Variants in ZNF276 observed in about 807,000 individuals in gnomAD.
ZNF276 encodes the protein centromere protein Z.
A neutral mutation model predicts 63.9 loss-of-function variants in ZNF276; 59 were observed. That is an observed-to-expected ratio of 0.92 (90% CI 0.75 to 1.15). ZNF276 has a LOEUF of 1.15. Among genes scored for constraint, ZNF276 ranks in the 50% most tolerant of loss-of-function variants. The pLI is 0.00. For missense variants in ZNF276, 1,084 were observed against 843.8 expected (o/e 1.28, Z -3.53); for synonymous variants, 496 against 348.4 (o/e 1.42, Z -4.72).
rs1403590257 is a variant in ZNF276 at position 89,723,364 on chromosome 16, T to C, written c.661T>C (p.Ser221Pro). ...CCTGCCCCACCTTCAGAGGACACTG[T>C]CCTCCGAGTACTGCGGCGTCATCCA... ...GALPHLQRTL[S>P]SEYCGVIQVV... Residue 221 changes from serine (S) to proline (P), a missense_variant, in exon 4 of 11, where the codon TCC (serine) becomes CCC (proline). Ser to Pro is a moderately conservative substitution (Grantham distance 74). Transcript: ENST00000443381. 6.2e-7 allele frequency: 1 copy of C among 1,612,898 alleles called. No homozygotes were observed. Among genetic ancestry groups the C allele is most frequent in the African/African-American group, 1.3e-5 (1 of 74,938 alleles).
chr16:89,734,156 TG>T, intron 9 of ZNF276, 118 bp downstream of exon 9: 1 of 862,102 alleles, frequency 1.2e-6, no homozygotes, highest in Non-Finnish European at 1.8e-6. Flanking sequence ...AGGTGGCTCA[TG>T]GGGTCTTTGG....
At position 89,722,686 on chromosome 16, in the gene ZNF276, C is replaced by A; in HGVS notation, c.361C>A (p.Leu121Ile). Reference sequence around the variant, plus strand: ...GCTCGTACGGGACTTCCAGCGCCTGCTTGGTGTGGCTGTCCGCCAGGACCC... The same window carrying A: ...GCTCGTACGGGACTTCCAGCGCCTGATTGGTGTGGCTGTCCGCCAGGACCC... ...RVLVRDFQRLLGVAVRQDPTL... is the reference protein window; with the variant it reads ...RVLVRDFQRLIGVAVRQDPTL... Residue 121 changes from leucine (L) to isoleucine (I), a missense_variant, in exon 2 of 11, where the codon CTT becomes ATT. Transcript: ENST00000443381. The A allele has an allele frequency of 6.2e-7, 1 of 1,612,418 alleles. No individual in the cohort carries two copies.
At chr16:89,729,916 C>T (rs1205472944) in intron 6 of ZNF276, among the ~76,000 whole-genome samples, 1 of 152,184 alleles carries the variant, frequency 6.6e-6, no homozygotes, top group Non-Finnish European at 1.5e-5. Flanking sequence ...TTCACTTGTG[C>T]TGTTTTCTTT....
intron 4 of ZNF276, among the ~76,000 whole-genome samples, chr16:89,724,501 G>C (rs2061407641): frequency 2.0e-5 from 3 of 152,168 alleles, no homozygotes; most frequent in Non-Finnish European, 4.4e-5. Context: ...ACAAAAACTA[G>C]CCAGGTATGG....
intron 6 of ZNF276, 107 bp from the exon 7 acceptor site, chr16:89,733,195 C>A: frequency 9.5e-7 from 1 of 1,051,324 alleles, no homozygotes; most frequent in South Asian, 1.5e-5. Flanking sequence ...AGCACAGAAG[C>A]AACTCAGGGA....
At chr16:89,726,616 C>T (rs2061478670) in intron 4 of ZNF276, among the ~76,000 whole-genome samples, 1 of 151,994 alleles carries the variant, frequency 6.6e-6, no homozygotes, top group Non-Finnish European at 1.5e-5. Flanking sequence ...CAGGCGTGAG[C>T]CACTGCACCC....
chr16:89,723,906 C>T lies in ZNF276; in HGVS notation c.1006+197C>T, dbSNP rs541746456. On this transcript the variant is annotated intron_variant, in intron 4 of 10. Transcript: ENST00000443381. Reference sequence around the variant, plus strand: ...GGGAGGGGCGGCCAGCCTGTCTCCGCCTCTTGCTCCTCTGTGAGCAGGGCT... The same window carrying T: ...GGGAGGGGCGGCCAGCCTGTCTCCGTCTCTTGCTCCTCTGTGAGCAGGGCT... Among the ~76,000 whole-genome samples the T allele has an allele frequency of 2.0e-5, 3 of 152,366 alleles. No homozygotes were observed. The East Asian group carries it at 5.8e-4, about 29-fold the overall frequency.
rs1007756286 is a variant in ZNF276, at chr16:89,734,090, C to T, written c.1474+52C>T. The T allele has an allele frequency of 2.6e-6, 4 of 1,559,726 alleles. 1 individual carries two copies. In the Admixed American group the frequency reaches 6.7e-5, roughly 26 times the overall value. On this transcript the variant is annotated intron_variant, in intron 9 of 10. Coordinates refer to ENST00000443381, the MANE Select transcript of ZNF276 (RefSeq NM_001113525.2). ...GCGGGTGACAGCCAGGGGCACGTGA[C>T]CTGCTTTCCAGTCTTCCTCATACCC...
In ZNF276 at chr16:89,723,728, T is replaced by C; in HGVS notation, c.1006+19T>C. 1 of 1,600,854 alleles carries C rather than the reference T, an allele frequency of 6.2e-7. No homozygotes were observed. Among genetic ancestry groups the C allele is most frequent in the African/African-American group, 1.3e-5 (1 of 74,866 alleles). ...GCCCCAGGTAGGAGGCACCTCTTGC[T>C]GGTGCTAGACCAGGATGTGTGCTCC... On this transcript the variant is annotated intron_variant, in intron 4 of 10. Coordinates refer to ENST00000443381, the MANE Select transcript of ZNF276 (RefSeq NM_001113525.2).
At position 89,721,732 on chromosome 16, in the gene ZNF276, G is replaced by A; in HGVS notation, c.92G>A (p.Arg31Gln). Reference sequence around the variant, plus strand: ...GGCGGCGGCGGCGTCAGCCGGACTCGGGGCCGCCCTTCCCTTAGCGGTGGG... The same window carrying A: ...GGCGGCGGCGGCGTCAGCCGGACTCAGGGCCGCCCTTCCCTTAGCGGTGGG... ...SDGGGGVSRT[R>Q]GRPSLSGGPR... Residue 31 changes from arginine (R) to glutamine (Q), a missense_variant, in exon 1 of 11, where the codon CGG (arginine) becomes CAG (glutamine). By Grantham distance (43) the Arg-to-Gln change is conservative. Transcript: ENST00000443381. 1.5e-6 allele frequency: 2 copies of A among 1,347,172 alleles called. No homozygotes were observed. The highest frequency in any genetic ancestry group is 1.9e-6 in the Non-Finnish European group (2 of 1,051,178). 83.5% of individuals were successfully genotyped at this position (1,347,172 alleles called of 1,614,324 possible).
chr16:89,723,491 G>C lies in ZNF276; in HGVS notation c.788G>C (p.Trp263Ser), dbSNP rs867826473. 6.2e-7 allele frequency: 1 copy of C among 1,612,904 alleles called. No homozygotes were observed. Among genetic ancestry groups the C allele is most frequent in the Non-Finnish European group, 8.5e-7 (1 of 1,179,958 alleles). ...AGTGCGCTGGCAGTCAAGTGGCCAT[G>C]GGACAAAGAGACGGCGCCACGGCTG... ...LDSALAVKWP[W>S]DKETAPRLPQ... Residue 263 changes from tryptophan to serine, a missense_variant, in exon 4 of 11, where the codon TGG becomes TCG. By Grantham distance (177) the Trp-to-Ser change is radical. Coordinates refer to ENST00000443381, the MANE Select transcript of ZNF276 (RefSeq NM_001113525.2).
At chr16:89,733,606 C>A (rs757027190) in intron 8 of ZNF276, 49 bp downstream of exon 8, 1 of 1,599,818 alleles carries the variant, frequency 6.3e-7, no homozygotes, top group South Asian at 1.1e-5. Flanking sequence ...TCAGTGTGAA[C>A]CTGGGGGAGG....
rs770798385 is a variant in ZNF276, at chr16:89,733,515, C to T, written c.1314C>T (p.Tyr438=). The change falls in exon 8 of 11, where the codon TAC becomes TAT. Residue 438 remains tyrosine (Y), a synonymous_variant. Coordinates refer to ENST00000443381, the MANE Select transcript of ZNF276 (RefSeq NM_001113525.2). ...TTCCCACCATCTACAAGTGTCCTTA[C>T]CAGGGCTGCACGGCCGTGTACCGAG... The part of the protein sequence containing the change: ...EELPTIYKCP[Y]QGCTAVYRGA... The T allele has an allele frequency of 6.2e-7, 1 of 1,614,182 alleles. No homozygotes were observed. The highest frequency in any genetic ancestry group is 2.2e-5 in the East Asian group (1 of 44,880).
At chr16:89,728,467 A>G (rs551184637) in intron 5 of ZNF276, among the ~76,000 whole-genome samples, 44 of 152,028 alleles carry the variant, frequency 2.9e-4, no homozygotes, top group Non-Finnish European at 5.0e-4. Context: ...GCAGTGGCAC[A>G]ATCTCGGCTC....
rs199973000 is a variant in ZNF276 at position 89,722,619 on chromosome 16, G to A, written c.294G>A (p.Ala98=). The change falls in exon 2 of 11, where the codon GCG becomes GCA. Residue 98 remains alanine (A), a synonymous_variant. Transcript: ENST00000443381. ...GCCTGCGCAGCATCTCCGAGAGGGC[G>A]CCTGGAGCGAGCATGGAGAGGCCAT... ...SRSLRSISER[A]PGASMERPSA... The A allele has an allele frequency of 3.7e-6, 6 of 1,611,868 alleles. No individual in the cohort carries two copies. The African/African-American group carries it at 5.3e-5, about 14-fold the overall frequency.
chr16:89,739,876 T>G lies in ZNF276; in HGVS notation c.*1630T>G. ...TGTGCTTAATCTGTCCCAACTAAAATGGAGCTTATAAACTTACTTAGCAAG... is the reference window on the plus strand; with the variant it reads ...TGTGCTTAATCTGTCCCAACTAAAAGGGAGCTTATAAACTTACTTAGCAAG... On this transcript the variant is annotated 3_prime_UTR_variant, in exon 11 of 11. Transcript: ENST00000443381. 1 of 1,552,792 alleles carries G rather than the reference T, an allele frequency of 6.4e-7. No individual in the cohort carries two copies. Among genetic ancestry groups the G allele is most frequent in the Non-Finnish European group, 8.7e-7 (1 of 1,151,632 alleles).
At position 89,740,143 on chromosome 16, in the gene ZNF276, G is replaced by GC; in HGVS notation, c.*1898dup. The GC allele has an allele frequency of 6.7e-7, 1 of 1,488,204 alleles. No individual in the cohort carries two copies. The highest frequency in any genetic ancestry group is 1.1e-5 in the South Asian group (1 of 88,516). 92.2% of individuals were successfully genotyped at this position (1,488,204 alleles called of 1,614,324 possible). A position where few individuals can be genotyped will look rare whatever the true frequency, so the allele number is the denominator to read the frequency against. ...CAACCCTGAGAATGGCCGACCTGGT[G>GC]CTCCCATGGGTAGGAGGGTACAGCC... On this transcript the variant is annotated 3_prime_UTR_variant, in exon 11 of 11. Transcript: ENST00000443381.
rs1341613931 is a variant in ZNF276 at position 89,727,291 on chromosome 16, A to AGAAGCAG, written c.1020_1026dup (p.Leu343GlufsTer10). 6.2e-7 allele frequency: 1 copy of AGAAGCAG among 1,614,162 alleles called. No homozygotes were observed. The highest frequency in any genetic ancestry group is 1.1e-5 in the South Asian group (1 of 91,078). ...CTTTGTTTCTCAGGGCAGTTGGGTGAGAAGCAGCTTCCATCTTCAACCTCG... is the reference window on the plus strand; with the variant it reads ...CTTTGTTTCTCAGGGCAGTTGGGTGAGAAGCAGGAAGCAGCTTCCATCTTCAACCTCG... On this transcript the variant is annotated frameshift_variant, in exon 5 of 11. Coordinates refer to ENST00000443381, the MANE Select transcript of ZNF276 (RefSeq NM_001113525.2). LOFTEE classifies it high-confidence loss of function.
intron 9 of ZNF276, among the ~76,000 whole-genome samples, chr16:89,736,631 C>T (rs2061907604): frequency 6.6e-6 from 1 of 151,630 alleles, no homozygotes; most frequent in Admixed American, 6.6e-5. Flanking sequence ...GCACCGGCCC[C>T]CCAAATTTTT....
Sources: allele counts gnomAD v4.1 joint callset (sites outside exome capture counted in the v4.1 genomes callset), GRCh38; gene constraint gnomAD v4.1.1; transcripts MANE v1.5; gene names NCBI Gene and HGNC (gene_info 2026-07-23, HGNC 2026-07-21).